Variants in ZFPM2 observed in about 807,000 individuals in gnomAD.
The protein encoded by ZFPM2 is zinc finger protein ZFPM2.
In ZFPM2, 20 loss-of-function variants were observed where a neutral mutation model predicts 98.6. That is an observed-to-expected ratio of 0.20 (90% CI 0.14 to 0.29). The LOEUF (loss-of-function observed/expected upper bound fraction) is 0.29. Ranked by LOEUF, ZFPM2 falls within the 10% of genes least tolerant of loss-of-function variation. The pLI is 1.00. For missense variants in ZFPM2, 1,310 were observed against 1,388.6 expected (o/e 0.94, Z 0.90); for synonymous variants, 518 against 502.7 (o/e 1.03, Z -0.41).
At chr8:105,799,547 CAAAT>C (rs1362030146) in intron 7 of ZFPM2, among the ~76,000 whole-genome samples, 1 of 152,038 alleles carries the variant, frequency 6.6e-6, no homozygotes, top group Non-Finnish European at 1.5e-5. Flanking sequence ...GGCTGAAAAA[CAAAT>C]AAGCTTTTTA....
At chr8:105,578,646 C>A (rs1815520696) in intron 4 of ZFPM2, among the ~76,000 whole-genome samples, 1 of 152,024 alleles carries the variant, frequency 6.6e-6, no homozygotes, top group Non-Finnish European at 1.5e-5. Context: ...GTGTTAGATT[C>A]CATGGCCACT....
At chr8:105,526,319 T>C (rs1226349441) in intron 3 of ZFPM2, among the ~76,000 whole-genome samples, 1 of 152,060 alleles carries the variant, frequency 6.6e-6, no homozygotes. Flanking sequence ...AACCATAAAA[T>C]CCAAGAAAGT....
intron 2 of ZFPM2, among the ~76,000 whole-genome samples, chr8:105,427,029 T>C (rs1034424845): frequency 6.6e-6 from 1 of 152,188 alleles, no homozygotes; most frequent in African/African-American, 2.4e-5. Context: ...TATGACCTTG[T>C]GGCATCACTC....
chr8:105,495,492 C>T (rs1813449301), intron 3 of ZFPM2, among the ~76,000 whole-genome samples: 1 of 151,430 alleles, frequency 6.6e-6, no homozygotes, highest in Non-Finnish European at 1.5e-5. Flanking sequence ...ATTTATTTGA[C>T]ATGTTTCTTA....
intron 2 of ZFPM2, among the ~76,000 whole-genome samples, chr8:105,426,008 A>G (rs1811900745): frequency 6.6e-6 from 1 of 152,110 alleles, no homozygotes; most frequent in South Asian, 2.1e-4. Flanking sequence ...TATTTTATAA[A>G]TCCTTTCAAT....
intron 3 of ZFPM2, among the ~76,000 whole-genome samples, chr8:105,517,004 A>G (rs556479527): frequency 5.3e-4 from 80 of 152,308 alleles, no homozygotes; most frequent in Non-Finnish European, 7.4e-4. Context: ...AATGAAAAGA[A>G]TCTTCTATTC....
intron 5 of ZFPM2, among the ~76,000 whole-genome samples, chr8:105,655,414 A>G (rs892433130): frequency 6.6e-6 from 1 of 151,796 alleles, no homozygotes; most frequent in Admixed American, 6.6e-5. Flanking sequence ...TATTTTTAGT[A>G]GAGACGGGGT....
At chr8:105,692,695 C>A (rs1420162809) in intron 5 of ZFPM2, among the ~76,000 whole-genome samples, 1 of 152,164 alleles carries the variant, frequency 6.6e-6, no homozygotes, top group Non-Finnish European at 1.5e-5. Flanking sequence ...AGGTACCATG[C>A]TCATTTTGGA....
intron 5 of ZFPM2, among the ~76,000 whole-genome samples, chr8:105,785,896 G>A (rs1813400696): frequency 6.6e-6 from 1 of 152,088 alleles, no homozygotes; most frequent in East Asian, 1.9e-4. Flanking sequence ...CAAAAAATTA[G>A]CTGCGCGTGG....
At chr8:105,436,868 A>G (rs1812130336) in intron 2 of ZFPM2, among the ~76,000 whole-genome samples, 1 of 152,214 alleles carries the variant, frequency 6.6e-6, no homozygotes, top group Non-Finnish European at 1.5e-5. Context: ...GATGATAGCC[A>G]TGTTTAGATT....
intron 1 of ZFPM2, among the ~76,000 whole-genome samples, chr8:105,353,212 G>A (rs1157557727): frequency 1.3e-5 from 2 of 152,006 alleles, no homozygotes; most frequent in Admixed American, 1.3e-4. Flanking sequence ...TAATGCTTCT[G>A]AAGGGATCCC....
chr8:105,769,779 G>C (rs1303623074), intron 5 of ZFPM2, among the ~76,000 whole-genome samples: 1 of 151,594 alleles, frequency 6.6e-6, no homozygotes, highest in Non-Finnish European at 1.5e-5. Flanking sequence ...ATCCTGTCTT[G>C]ACTTTTTCAG....
chr8:105,454,740 GT>G (rs893076739), intron 3 of ZFPM2, among the ~76,000 whole-genome samples: 1 of 152,086 alleles, frequency 6.6e-6, no homozygotes, highest in East Asian at 1.9e-4. Context: ...CCACTATTTG[GT>G]TAGCCTAAAT....
intron 1 of ZFPM2, among the ~76,000 whole-genome samples, chr8:105,350,044 G>A (rs1267940578): frequency 1.3e-5 from 2 of 152,018 alleles, no homozygotes; most frequent in Non-Finnish European, 2.9e-5. Context: ...TTTCTTGAAG[G>A]GTAAATTTCA....
At chr8:105,558,463 T>C (rs1458138851) in intron 3 of ZFPM2, among the ~76,000 whole-genome samples, 1 of 152,190 alleles carries the variant, frequency 6.6e-6, no homozygotes, top group Non-Finnish European at 1.5e-5. Flanking sequence ...GTTGTGGCCA[T>C]ATTTAAGAGC....
At chr8:105,486,355 A>G (rs1208895165) in intron 3 of ZFPM2, among the ~76,000 whole-genome samples, 3 of 151,852 alleles carry the variant, frequency 2.0e-5, no homozygotes, top group African/African-American at 7.3e-5. Context: ...TTGTGTGTGT[A>G]TGGTGTCTGT....
At chr8:105,669,240 A>C (rs1330971709) in intron 5 of ZFPM2, among the ~76,000 whole-genome samples, 1 of 152,078 alleles carries the variant, frequency 6.6e-6, no homozygotes, top group Non-Finnish European at 1.5e-5. Context: ...TCTTCAATAC[A>C]TATATACGTA....
At chr8:105,568,696 A>G (rs1398440091) in intron 4 of ZFPM2, among the ~76,000 whole-genome samples, 8 of 152,052 alleles carry the variant, frequency 5.3e-5, no homozygotes, top group Non-Finnish European at 7.4e-5. Flanking sequence ...ATTTACTCAG[A>G]CCACAGTATG....
intron 1 of ZFPM2, among the ~76,000 whole-genome samples, chr8:105,327,336 A>C (rs907455974): frequency 6.6e-6 from 1 of 151,664 alleles, no homozygotes; most frequent in Non-Finnish European, 1.5e-5. Context: ...TTAGAAGCAA[A>C]CATTTTTTCT....
Sources: gnomAD v4.1 joint callset for allele counts (sites outside exome capture counted in the v4.1 genomes callset) on GRCh38, gnomAD v4.1.1 for gene constraint, MANE v1.5 for transcripts, NCBI Gene and HGNC (gene_info 2026-07-23, HGNC 2026-07-21) for gene names.